Variants in STX8 observed in about 807,000 individuals in gnomAD.
STX8 encodes syntaxin-8.
A neutral mutation model predicts 37.5 loss-of-function variants in STX8; 23 were observed. That is an observed-to-expected ratio of 0.61 (90% CI 0.44 to 0.87). STX8 has a LOEUF of 0.87. Among genes scored for constraint, STX8 ranks in the 40% least tolerant of loss-of-function variants. STX8 has a pLI of 0.00. For synonymous variants in STX8, 115 were observed against 99.1 expected (o/e 1.16, Z -0.95); for missense variants, 313 against 284.7 (o/e 1.10, Z -0.71).
At chr17:9,555,449 C>T (rs1906926870) in intron 3 of STX8, 1 of 152,132 alleles carries the variant, frequency 6.6e-6, no homozygotes, top group Non-Finnish European at 1.5e-5. Flanking sequence ...GAAGCAAATG[C>T]ATATTATATC....
intron 7 of STX8, chr17:9,273,361 C>G (rs1907541228): frequency 6.6e-6 from 1 of 152,224 alleles, no homozygotes; most frequent in South Asian, 2.1e-4. Context: ...AGAGCTCCCC[C>G]AACTCCCTGA....
chr17:9,396,464 T>TCTGAGGTCAGCTGAGGTGGGCGGGTCAG (rs1912406253), intron 6 of STX8, among the ~76,000 whole-genome samples: 1 of 151,568 alleles, frequency 6.6e-6, no homozygotes, highest in Non-Finnish European at 1.5e-5. Flanking sequence ...GGGCGGGTCA[T>TCTGAGGTCAGCTGAGGTGGGCGGGTCAG]CTGAGGTCAG....
chr17:9,443,555 C>T (rs1273450592), intron 6 of STX8, among the ~76,000 whole-genome samples: 1 of 152,140 alleles, frequency 6.6e-6, no homozygotes, highest in Non-Finnish European at 1.5e-5. Context: ...AGCCATTCCC[C>T]TTGAGCCATA....
chr17:9,301,575 C>T (rs1908785407), intron 7 of STX8, among the ~76,000 whole-genome samples: 1 of 151,610 alleles, frequency 6.6e-6, no homozygotes, highest in African/African-American at 2.4e-5. Context: ...CTCCACCTCC[C>T]GCGTTCACGC....
chr17:9,410,122 C>T (rs1912932645), intron 6 of STX8, among the ~76,000 whole-genome samples: 1 of 152,208 alleles, frequency 6.6e-6, no homozygotes, highest in South Asian at 2.1e-4. Context: ...ACCTTCATCC[C>T]ACCCAAATAT....
At chr17:9,282,418 G>A (rs56175438) in intron 7 of STX8, among the ~76,000 whole-genome samples, 1 of 152,248 alleles carries the variant, frequency 6.6e-6, no homozygotes, top group East Asian at 1.9e-4. Context: ...ACAGGCGTGA[G>A]CCACTGCACC....
chr17:9,291,491 T>G (rs1196229316), intron 7 of STX8, among the ~76,000 whole-genome samples: 1 of 151,982 alleles, frequency 6.6e-6, no homozygotes, highest in Non-Finnish European at 1.5e-5. Context: ...ATTAAATACT[T>G]CCATTGTGGT....
At chr17:9,505,938 T>C (rs1160150291) in intron 4 of STX8, among the ~76,000 whole-genome samples, 3 of 65,338 alleles carry the variant, frequency 4.6e-5, no homozygotes, top group African/African-American at 1.3e-4. Context: ...CAAGACTCTG[T>C]CTCAAAAAAA....
At chr17:9,372,920 A>G (rs1911459186) in intron 7 of STX8, among the ~76,000 whole-genome samples, 1 of 150,914 alleles carries the variant, frequency 6.6e-6, no homozygotes, top group African/African-American at 2.4e-5. Flanking sequence ...CCTGACCAAC[A>G]TGGAGAAACT....
At chr17:9,548,904 A>T (rs889216256) in intron 3 of STX8, among the ~76,000 whole-genome samples, 3 of 152,328 alleles carry the variant, frequency 2.0e-5, no homozygotes, top group African/African-American at 7.2e-5. Flanking sequence ...AAGGAAGGAC[A>T]ACTGAGGATT....
intron 4 of STX8, among the ~76,000 whole-genome samples, chr17:9,510,399 T>C (rs897810703): frequency 6.6e-6 from 1 of 152,158 alleles, no homozygotes; most frequent in East Asian, 1.9e-4. Context: ...CTCAAAAATT[T>C]TTTTAGAAAT....
At chr17:9,396,155 GA>G (rs1489767640) in intron 6 of STX8, among the ~76,000 whole-genome samples, 1 of 152,146 alleles carries the variant, frequency 6.6e-6, no homozygotes, top group Non-Finnish European at 1.5e-5. Flanking sequence ...GAATCCTGAT[GA>G]TAATGTGCTC....
At chr17:9,574,031 G>C (rs1389105686) in intron 1 of STX8, among the ~76,000 whole-genome samples, 1 of 152,106 alleles carries the variant, frequency 6.6e-6, no homozygotes, top group African/African-American at 2.4e-5. Context: ...AGCACTTTGG[G>C]AGGCCAAGGC....
intron 6 of STX8, among the ~76,000 whole-genome samples, chr17:9,447,961 G>A (rs911039688): frequency 3.7e-4 from 56 of 151,778 alleles, no homozygotes; most frequent in Non-Finnish European, 6.8e-4. Context: ...GGCAGATCAC[G>A]AGGTCAGGAG....
rs1341855891 is a variant in STX8, at chr17:9,335,214, C to T, written c.643+43338G>A. Among the ~76,000 whole-genome samples, 5 of 152,212 alleles carry T rather than the reference C, an allele frequency of 3.3e-5. No individual in the cohort carries two copies. The East Asian group carries it at 5.8e-4, about 18-fold the overall frequency. On this transcript the variant is annotated intron_variant, in intron 7 of 7. Coordinates refer to ENST00000306357, the MANE Select transcript of STX8 (RefSeq NM_004853.3). ...ACAACACAGCAGCAGGGGTTACCTG[C>T]GTCAGGAATAAAAACCCCTTCCCCT...
At position 9,378,584 on chromosome 17, in the gene STX8, A is replaced by AC. The variant is rs1567803897; in HGVS notation, c.610dup (p.Val204GlyfsTer64). On this transcript the variant is annotated frameshift_variant, in exon 7 of 8. Transcript: ENST00000306357. LOFTEE classifies it high-confidence loss of function. ...GGCTGACTTTCTGTCCACCATGTTTACCCGCCTGGTTTCATTGCGAAGTTT... is the reference window on the plus strand; with the variant it reads ...GGCTGACTTTCTGTCCACCATGTTTACCCCGCCTGGTTTCATTGCGAAGTTT... The AC allele has an allele frequency of 6.2e-7, 1 of 1,613,796 alleles. No homozygotes were observed. The highest frequency in any genetic ancestry group is 1.7e-5 in the Admixed American group (1 of 60,000).
At chr17:9,267,555 C>T (rs1907274695) in intron 7 of STX8, among the ~76,000 whole-genome samples, 1 of 152,226 alleles carries the variant, frequency 6.6e-6, no homozygotes, top group Admixed American at 6.5e-5. Context: ...CGCAACTACT[C>T]TCAGTACAAC....
chr17:9,544,882 C>T (rs1474251910), intron 4 of STX8, among the ~76,000 whole-genome samples: 1 of 151,974 alleles, frequency 6.6e-6, no homozygotes, highest in Non-Finnish European at 1.5e-5. Context: ...GTAATCCCAA[C>T]TACTTGGGAG....
intron 4 of STX8, among the ~76,000 whole-genome samples, chr17:9,518,504 G>C (rs1905221264): frequency 6.6e-6 from 1 of 152,136 alleles, no homozygotes; most frequent in African/African-American, 2.4e-5. Context: ...ATTCGACTTA[G>C]ATCTGCTCCT....
Sources: allele counts gnomAD v4.1 joint callset (sites outside exome capture counted in the v4.1 genomes callset), GRCh38; gene constraint gnomAD v4.1.1; transcripts MANE v1.5; gene names NCBI Gene and HGNC (gene_info 2026-07-23, HGNC 2026-07-21).